ATP2B2: variants seen among roughly 807,000 people sequenced by gnomAD.
The protein encoded by ATP2B2 is ATPase plasma membrane Ca2+ transporting 2, also known as plasma membrane calcium-transporting ATPase 2.
A neutral mutation model predicts 120.0 loss-of-function variants in ATP2B2; 15 were observed. That is an observed-to-expected ratio of 0.12 (90% CI 0.08 to 0.19). ATP2B2 has a LOEUF of 0.19. ATP2B2 is among the 10% of genes least tolerant of loss of function. ATP2B2 has a pLI of 1.00. For missense variants in ATP2B2, 1,045 were observed against 1,719.8 expected, an observed-to-expected ratio of 0.61 and a Z score of 6.94; for synonymous variants, 694 against 700.3, an observed-to-expected ratio of 0.99 and a Z score of 0.14.
At chr3:10,634,227 A>G (rs893710029) in intron 1 of ATP2B2, among the ~76,000 whole-genome samples, 6 of 152,180 alleles carry the variant, frequency 3.9e-5, no homozygotes, top group African/African-American at 1.4e-4. Flanking sequence ...ATGTTCTGTT[A>G]TTTACAGGCA....
intron 1 of ATP2B2, among the ~76,000 whole-genome samples, chr3:10,675,596 G>A (rs140285514): frequency 7.2e-4 from 109 of 152,208 alleles, no homozygotes; most frequent in African/African-American, 2.3e-3. Context: ...CAGGAGTTCC[G>A]GTGTAGCCCA....
chr3:10,498,818 C>T (rs747341942), intron 1 of ATP2B2, among the ~76,000 whole-genome samples: 7 of 152,212 alleles, frequency 4.6e-5, no homozygotes, highest in Non-Finnish European at 7.3e-5. Context: ...CACTATGGCA[C>T]GACTGCTCCC....
At chr3:10,587,686 A>G (rs1176174990) in intron 2 of ATP2B2, among the ~76,000 whole-genome samples, 1 of 152,176 alleles carries the variant, frequency 6.6e-6, no homozygotes, top group African/African-American at 2.4e-5. Context: ...GGCCTAGTTT[A>G]ATTCTTCATT....
chr3:10,677,032 C>A (rs2071264001), intron 1 of ATP2B2, among the ~76,000 whole-genome samples: 2 of 152,154 alleles, frequency 1.3e-5, no homozygotes, highest in South Asian at 4.1e-4. Flanking sequence ...CACACTCTTA[C>A]CATGTGGTCC....
intron 1 of ATP2B2, among the ~76,000 whole-genome samples, chr3:10,694,286 A>G (rs781709210): frequency 1.3e-5 from 2 of 152,228 alleles, no homozygotes; most frequent in Non-Finnish European, 2.9e-5. Flanking sequence ...CATCACCACA[A>G]GACTCCTTCG....
chr3:10,477,891 G>T (rs1304761023), intron 1 of ATP2B2, among the ~76,000 whole-genome samples: 1 of 152,156 alleles, frequency 6.6e-6, no homozygotes, highest in Non-Finnish European at 1.5e-5. Flanking sequence ...TCAATTTTTT[G>T]GGTATCTACC....
Position 10,326,477 on chromosome 3 carries a change from C to T in ATP2B2, c.*2337G>A, listed in dbSNP as rs925002571. On this transcript the variant is annotated 3_prime_UTR_variant, in exon 23 of 23. Coordinates refer to ENST00000360273, the MANE Select transcript of ATP2B2 (RefSeq NM_001001331.4). The stretch of plus-strand genomic sequence containing the variant: ...ATCCTGATGTCATGGAACGAGGTCA[C>T]GGACACATGACTGATCAAAGAAGTG... 2.4e-5 allele frequency: 9 copies of T among 378,914 alleles called. No individual in the cohort carries two copies. Among genetic ancestry groups the T allele is most frequent in the East Asian group, 1.9e-4 (5 of 26,544 alleles). The allele number at this position is 378,914 out of a possible 1,614,324, so 23.5% of individuals were successfully genotyped here.
chr3:10,513,264 T>C (rs185166214), intron 3 of ATP2B2, among the ~76,000 whole-genome samples: 3 of 151,898 alleles, frequency 2.0e-5, no homozygotes, highest in Non-Finnish European at 2.9e-5. Context: ...GGGAGTTCAG[T>C]AGGTAAGAGG....
rs182066747 is a variant in ATP2B2, at chr3:10,579,474, A to C, written c.-415+40443T>G. 1.5e-3 allele frequency among the ~76,000 whole-genome samples: 224 copies of C among 152,262 alleles called. 1 individual carries two copies. The highest frequency in any genetic ancestry group is 5.3e-3 in the African/African-American group (219 of 41,566). Reference sequence around the variant, plus strand: ...GATCCCCTGAGGTCAGGAGTTCAAGAGCAGCCTGGCTAACATGGTGAAACC... The same window carrying C: ...GATCCCCTGAGGTCAGGAGTTCAAGCGCAGCCTGGCTAACATGGTGAAACC... On this transcript the variant is annotated intron_variant, in intron 2 of 21. Transcript: ENST00000646379.
intron 1 of ATP2B2, among the ~76,000 whole-genome samples, chr3:10,675,915 G>A (rs575178907): frequency 1.4e-3 from 217 of 152,264 alleles, no homozygotes; most frequent in Non-Finnish European, 2.5e-3. Context: ...CCTCAGAGAG[G>A]TCTTCCCTGA....
In ATP2B2 at chr3:10,383,724, G is replaced by T. The variant is rs575105728; in HGVS notation, c.1000+1544C>A. Among the ~76,000 whole-genome samples the T allele has an allele frequency of 6.6e-5, 10 of 152,352 alleles. No individual in the cohort carries two copies. The South Asian group carries it at 1.7e-3, about 25-fold the overall frequency. On this transcript the variant is annotated intron_variant, in intron 8 of 22. Coordinates refer to ENST00000360273, the MANE Select transcript of ATP2B2 (RefSeq NM_001001331.4). ...CATGGGGGTGTCATGAGGATTAAAT[G>T]AGATGGTGAATATGAAATGCTTTCA...
intron 2 of ATP2B2, among the ~76,000 whole-genome samples, chr3:10,568,043 G>A (rs894040638): frequency 6.6e-6 from 1 of 152,264 alleles, no homozygotes; most frequent in Non-Finnish European, 1.5e-5. Flanking sequence ...AGGCAAAGGT[G>A]AAGAGGCCCT....
At chr3:10,522,134 G>C (rs560569099) in intron 3 of ATP2B2, among the ~76,000 whole-genome samples, 1 of 152,220 alleles carries the variant, frequency 6.6e-6, no homozygotes. Context: ...AATGTATGCT[G>C]TGTACCTACT....
intron 1 of ATP2B2, among the ~76,000 whole-genome samples, chr3:10,471,897 G>C (rs866123157): frequency 2.0e-5 from 3 of 151,718 alleles, no homozygotes; most frequent in Non-Finnish European, 4.4e-5. Context: ...TGGCGAACAC[G>C]GTGAAACCCC....
intron 2 of ATP2B2, among the ~76,000 whole-genome samples, chr3:10,415,185 C>T (rs561531997): frequency 6.6e-5 from 10 of 152,334 alleles, no homozygotes; most frequent in African/African-American, 2.4e-4. Flanking sequence ...TCTCCTTTTG[C>T]AGGCAACAGC....
intron 1 of ATP2B2, among the ~76,000 whole-genome samples, chr3:10,700,680 C>T (rs1166313605): frequency 6.6e-6 from 1 of 152,244 alleles, no homozygotes; most frequent in Non-Finnish European, 1.5e-5. Context: ...CCATGCCCTA[C>T]TGGCATCTGT....
chr3:10,492,351 C>T (rs1258194872), intron 1 of ATP2B2, among the ~76,000 whole-genome samples: 1 of 152,172 alleles, frequency 6.6e-6, no homozygotes, highest in Non-Finnish European at 1.5e-5. Flanking sequence ...AGGCCTGGCC[C>T]CCAAACCCCT....
chr3:10,557,664 G>T (rs1256513632), intron 2 of ATP2B2, among the ~76,000 whole-genome samples: 1 of 152,196 alleles, frequency 6.6e-6, no homozygotes, highest in African/African-American at 2.4e-5. Context: ...AAGGAAGAAT[G>T]GTCTGAAGTG....
intron 1 of ATP2B2, among the ~76,000 whole-genome samples, chr3:10,502,641 C>T (rs894234185): frequency 6.6e-5 from 10 of 152,354 alleles, no homozygotes; most frequent in African/African-American, 2.2e-4. Flanking sequence ...CTTTGGCTTT[C>T]TAGGCATCAG....
Sources: gnomAD v4.1 joint callset for allele counts (sites outside exome capture counted in the v4.1 genomes callset) on GRCh38, gnomAD v4.1.1 for gene constraint, MANE v1.5 for transcripts, NCBI Gene and HGNC (gene_info 2026-07-23, HGNC 2026-07-21) for gene names.